The following KIAA1671 variants were observed in gnomAD, a reference collection of about 807,000 sequenced individuals.
The protein encoded by KIAA1671 is uncharacterized protein KIAA1671.
Under a neutral mutation model 131.2 loss-of-function variants are expected in KIAA1671, and 52 were observed. The ratio of observed to expected loss-of-function variants is 0.40; its 90% CI spans 0.32 to 0.50. The LOEUF (loss-of-function observed/expected upper bound fraction) is 0.50. Among genes scored for constraint, KIAA1671 ranks in the 20% least tolerant of loss-of-function variants. KIAA1671 has a pLI of 0.73. For synonymous variants in KIAA1671, 1,003 were observed against 961.6 expected, an observed-to-expected ratio of 1.04 and a Z score of -0.80; for missense variants, 2,360 against 2,364.2, an observed-to-expected ratio of 1.00 and a Z score of 0.04.
At chr22:25,041,548 A>C (rs1373140129) in intron 5 of KIAA1671, 23 bp downstream of exon 5, 1 of 1,494,724 alleles carries the variant, frequency 6.7e-7, no homozygotes, top group East Asian at 2.5e-5. Context: ...ACACTTTTTA[A>C]TTTTGTCAAA....
At chr22:24,979,483 G>A (rs1923113659) in intron 1 of KIAA1671, among the ~76,000 whole-genome samples, 1 of 151,536 alleles carries the variant, frequency 6.6e-6, no homozygotes, top group Admixed American at 6.6e-5. Flanking sequence ...CCAAGTAGCT[G>A]GGACTACAGA....
chr22:25,017,083 C>CA (rs1925368538), intron 1 of KIAA1671, among the ~76,000 whole-genome samples: 1 of 151,960 alleles, frequency 6.6e-6, no homozygotes, highest in South Asian at 2.1e-4. Context: ...GGTTGTTGCC[C>CA]TAGAAAGGGG....
chr22:25,196,156 T>G lies in KIAA1671; in HGVS notation c.*3755T>G, dbSNP rs995398716. 9.2e-5 allele frequency: 14 copies of G among 152,068 alleles called. No homozygotes were observed. Among genetic ancestry groups the G allele is most frequent in the African/African-American group, 3.4e-4 (14 of 41,382 alleles). The allele number at this position is 152,068 out of a possible 1,614,324, so 9.4% of individuals were successfully genotyped here. On this transcript the variant is annotated 3_prime_UTR_variant, in exon 13 of 13. Coordinates refer to ENST00000358431, the MANE Select transcript of KIAA1671 (RefSeq NM_001145206.2). ...CCTTTTGCACCCCCCAATCCAGAGTTTGCTTTCTTTTGACTAAATTGGCTC... is the reference window on the plus strand; with the variant it reads ...CCTTTTGCACCCCCCAATCCAGAGTGTGCTTTCTTTTGACTAAATTGGCTC...
At chr22:24,957,513 A>C (rs998484156) in intron 1 of KIAA1671, among the ~76,000 whole-genome samples, 3 of 152,124 alleles carry the variant, frequency 2.0e-5, no homozygotes, top group Non-Finnish European at 2.9e-5. Context: ...CCACTCACCC[A>C]TCCAGATTAT....
intron 1 of KIAA1671, among the ~76,000 whole-genome samples, chr22:24,956,710 C>T (rs956130299): frequency 2.6e-5 from 4 of 151,424 alleles, no homozygotes; most frequent in East Asian, 1.9e-4. Flanking sequence ...ACTAAAAATA[C>T]GAAAACAAAA....
chr22:24,979,170 A>ATTTTTTTTTT (rs71191010), intron 1 of KIAA1671, among the ~76,000 whole-genome samples: 5 of 81,700 alleles, frequency 6.1e-5, no homozygotes, highest in African/African-American at 2.2e-4. Flanking sequence ...TAATTTTTGT[A>ATTTTTTTTTT]TTTTTTTTTT....
chr22:24,962,152 A>G (rs183919170), intron 1 of KIAA1671, among the ~76,000 whole-genome samples: 531 of 152,270 alleles, frequency 3.5e-3, no homozygotes, highest in Middle Eastern at 0.01. Context: ...GAGCAGTGAC[A>G]CCTGTAGCCA....
rs5996849 is a variant in KIAA1671 at position 25,182,110 on chromosome 22, C to T, written c.5199+287C>T. ...AGGAGAATGGCTTGAACCTGGGAGGCGGAGCTTGCAGTAAGCCGAGATTGC... is the reference window on the plus strand; with the variant it reads ...AGGAGAATGGCTTGAACCTGGGAGGTGGAGCTTGCAGTAAGCCGAGATTGC... On this transcript the variant is annotated intron_variant, in intron 10 of 12. Coordinates refer to ENST00000358431, the MANE Select transcript of KIAA1671 (RefSeq NM_001145206.2). Among the ~76,000 whole-genome samples the T allele has an allele frequency of 0.32, 48,902 of 151,304 alleles. 8,294 individuals carry two copies. The highest frequency in any genetic ancestry group is 0.48 in the East Asian group (2,461 of 5,094).
At chr22:25,072,299 C>G (rs551594461) in intron 6 of KIAA1671, among the ~76,000 whole-genome samples, 2 of 152,288 alleles carry the variant, frequency 1.3e-5, no homozygotes, top group East Asian at 1.9e-4. Flanking sequence ...CTCTAGTGAC[C>G]TTGGGCAAGT....
chr22:24,998,491 G>A (rs1200570119), intron 1 of KIAA1671, among the ~76,000 whole-genome samples: 4 of 151,912 alleles, frequency 2.6e-5, no homozygotes, highest in Non-Finnish European at 4.4e-5. Flanking sequence ...AGGCTGAGGC[G>A]GGCGGATCAC....
At chr22:25,046,067 C>G (rs1028260643) in intron 5 of KIAA1671, among the ~76,000 whole-genome samples, 6 of 151,842 alleles carry the variant, frequency 4.0e-5, no homozygotes, top group Admixed American at 6.6e-5. Flanking sequence ...TTTGGGAGGC[C>G]GAGGCTGGCA....
At chr22:25,067,869 A>G (rs1008603263) in intron 6 of KIAA1671, among the ~76,000 whole-genome samples, 1 of 152,248 alleles carries the variant, frequency 6.6e-6, no homozygotes, top group East Asian at 1.9e-4. Context: ...CGAGCGCTGC[A>G]TGCCCCACTT....
At chr22:25,033,574 GTTTTTTTTTT>G (rs71191019) in intron 4 of KIAA1671, among the ~76,000 whole-genome samples, 5 of 58,420 alleles carry the variant, frequency 8.6e-5, no homozygotes, top group Admixed American at 5.9e-4. Flanking sequence ...GTTTGTTTTC[GTTTTTTTTTT>G]TTTTTTTTTT....
intron 6 of KIAA1671, among the ~76,000 whole-genome samples, chr22:25,101,215 C>T (rs975786181): frequency 6.6e-6 from 1 of 152,170 alleles, no homozygotes; most frequent in Non-Finnish European, 1.5e-5. Context: ...CCGGGTGGCC[C>T]AGGGAGATAA....
intron 6 of KIAA1671, among the ~76,000 whole-genome samples, chr22:25,153,008 A>G (rs566680332): frequency 7.9e-5 from 12 of 151,918 alleles, no homozygotes; most frequent in African/African-American, 1.5e-4. Flanking sequence ...GTGTTGTCCT[A>G]CTCACATGTT....
At chr22:24,982,313 G>T (rs1337886597) in intron 1 of KIAA1671, among the ~76,000 whole-genome samples, 1 of 152,242 alleles carries the variant, frequency 6.6e-6, no homozygotes, top group Non-Finnish European at 1.5e-5. Context: ...TTTCACTGCA[G>T]GTTTTTGGGC....
rs1173814886 is a variant in KIAA1671, at chr22:25,034,112, C to G, written c.1629+1416C>G. On this transcript the variant is annotated intron_variant, in intron 4 of 12. Transcript: ENST00000358431. Reference sequence around the variant, plus strand: ...CCAGGCTAGAGTGCAGTGGTGCGATCTTGGCTCACAGCAACATCCACCTCC... The same window carrying G: ...CCAGGCTAGAGTGCAGTGGTGCGATGTTGGCTCACAGCAACATCCACCTCC... Among the ~76,000 whole-genome samples, 3 of 149,348 alleles carry G rather than the reference C, an allele frequency of 2.0e-5. No homozygotes were observed. In the East Asian group the frequency reaches 6.0e-4, roughly 30 times the overall value.
In KIAA1671 at chr22:25,185,092, T is replaced by C; in HGVS notation, c.5315T>C (p.Leu1772Pro). 1 of 1,551,516 alleles carries C rather than the reference T, an allele frequency of 6.4e-7. No homozygotes were observed. The highest frequency in any genetic ancestry group is 1.2e-5 in the South Asian group (1 of 84,042). Residue 1772 changes from leucine (L) to proline (P), a missense_variant, in exon 11 of 13, where the codon CTG (leucine) becomes CCG (proline). By Grantham distance (98) the Leu-to-Pro change is moderately conservative. Around this residue, in one of 3 missense-constraint regions of KIAA1671, gnomAD observed 1,161 missense variants for 1,204.7 expected, o/e 0.96. Transcript: ENST00000358431. Reference sequence around the variant, plus strand: ...CCTGGGGTGCTGGGCAGTCGCGTGCTGCCTTCCAGCATGGACAAGGATGAG... The same window carrying C: ...CCTGGGGTGCTGGGCAGTCGCGTGCCGCCTTCCAGCATGGACAAGGATGAG... ...FQPGVLGSRV[L>P]PSSMDKDERS...
intron 6 of KIAA1671, among the ~76,000 whole-genome samples, chr22:25,129,396 A>G (rs888382016): frequency 4.0e-4 from 61 of 151,928 alleles, no homozygotes; most frequent in African/African-American, 1.4e-3. Flanking sequence ...AATACCAGCT[A>G]CTCGGAAGGC....
Sources: gnomAD v4.1 joint callset for allele counts (sites outside exome capture counted in the v4.1 genomes callset) on GRCh38, gnomAD v4.1.1 for gene constraint, gnomAD v4.1.1 regional missense constraint, MANE v1.5 for transcripts, NCBI Gene and HGNC (gene_info 2026-07-23, HGNC 2026-07-21) for gene names.